Variants in LEPR observed in about 807,000 individuals in gnomAD.
LEPR encodes OB receptor.
In LEPR, 56 loss-of-function variants were observed where a neutral mutation model predicts 114.7. The observed-to-expected ratio is 0.49, with a 90% confidence interval of 0.39 to 0.61. LEPR has a LOEUF of 0.61. LEPR is among the 20% of genes least tolerant of loss of function. LEPR has a pLI of 0.00. For synonymous variants in LEPR, 443 were observed against 461.4 expected, an observed-to-expected ratio of 0.96 and a Z score of 0.51; for missense variants, 1,202 against 1,352.9, an observed-to-expected ratio of 0.89 and a Z score of 1.75.
chr1:65,601,147 G>A (rs1244537941), intron 8 of LEPR, among the ~76,000 whole-genome samples: 1 of 151,902 alleles, frequency 6.6e-6, no homozygotes, highest in Non-Finnish European at 1.5e-5. Flanking sequence ...TGATGAATAA[G>A]CCTCTGTGTT....
chr1:65,440,038 G>T lies in LEPR; in HGVS notation c.-21+14660G>T, dbSNP rs188031392. Among the ~76,000 whole-genome samples the T allele has an allele frequency of 3.2e-3, 447 of 138,148 alleles. 2 individuals carry two copies. Among genetic ancestry groups the T allele is most frequent in the African/African-American group, 0.011 (415 of 39,484 alleles). 90.6% of individuals were successfully genotyped at this position (138,148 alleles called of 152,430 possible). A position where few individuals can be genotyped will look rare whatever the true frequency, so the allele number is the denominator to read the frequency against. On this transcript the variant is annotated intron_variant, in intron 2 of 19. Transcript: ENST00000349533. ...AAAAAAAAAAAAGAAAAAGAAAATT[G>T]ACAGTAGTGAATGCTATGAAGAAAT...
intron 2 of LEPR, among the ~76,000 whole-genome samples, chr1:65,513,642 G>A (rs1381777409): frequency 3.3e-5 from 5 of 152,160 alleles, no homozygotes; most frequent in African/African-American, 1.2e-4. Flanking sequence ...CGTGAAAATT[G>A]GTTTGTAGTA....
chr1:65,420,813 C>T, intron 1 of LEPR, 73 bp downstream of exon 1: 1 of 1,520,802 alleles, frequency 6.6e-7, no homozygotes, highest in Non-Finnish European at 8.9e-7. Context: ...CCTGGGGCTG[C>T]GCCTTCCGCG....
At chr1:65,572,195 T>C in intron 4 of LEPR, 131 bp from the exon 5 acceptor site, 1 of 1,205,874 alleles carries the variant, frequency 8.3e-7, no homozygotes, top group East Asian at 2.6e-5. Context: ...TCTCTCAGAA[T>C]AGGCAATGGA....
intron 5 of LEPR, among the ~76,000 whole-genome samples, chr1:65,583,469 T>C (rs1319179606): frequency 6.6e-6 from 1 of 152,038 alleles, no homozygotes; most frequent in Non-Finnish European, 1.5e-5. Context: ...CCTTAATGGG[T>C]ATCAGTGACA....
chr1:65,437,989 G>A (rs1012235485), intron 2 of LEPR, among the ~76,000 whole-genome samples: 6 of 151,788 alleles, frequency 4.0e-5, no homozygotes, highest in Non-Finnish European at 8.8e-5. Flanking sequence ...TTTATTTTTT[G>A]TAGAGATGAA....
At chr1:65,565,424 G>A in intron 2 of LEPR, 122 bp from the exon 3 acceptor site, 2 of 878,838 alleles carry the variant, frequency 2.3e-6, no homozygotes, top group African/African-American at 1.7e-5. Flanking sequence ...TTGATCTAGA[G>A]TATCACATGT....
intron 13 of LEPR, 32 bp downstream of exon 13, chr1:65,610,138 A>C: frequency 5.0e-6 from 8 of 1,614,180 alleles, no homozygotes; most frequent in Non-Finnish European, 5.9e-6. Context: ...GTGTTTTGAA[A>C]GTGCATAAGT....
At chr1:65,550,532 G>C (rs1782757) in intron 2 of LEPR, among the ~76,000 whole-genome samples, 101,209 of 151,734 alleles carry the variant, frequency 0.67, 35,057 homozygotes, top group Middle Eastern at 0.78. Context: ...GGGTGCCCCT[G>C]CCCCAGCCTC....
In LEPR at chr1:65,638,230, T is replaced by C. The variant is rs1317609152; in HGVS notation, c.*1215T>C. ...CTGAGTGTGACAGAAAAAATAAAGA[T>C]TATAAAATGTATTAAGTAGAAGTAT... is the stretch of plus-strand genomic sequence containing the variant. On this transcript the variant is annotated 3_prime_UTR_variant, in exon 20 of 20. Coordinates refer to ENST00000349533, the MANE Select transcript of LEPR (RefSeq NM_002303.6). 2 of 152,118 alleles carry C rather than the reference T, an allele frequency of 1.3e-5. No individual in the cohort carries two copies. Among genetic ancestry groups the C allele is most frequent in the Non-Finnish European group, 2.9e-5 (2 of 68,020 alleles). 9.4% of individuals were successfully genotyped at this position (152,118 alleles called of 1,614,324 possible). A position where few individuals can be genotyped will look rare whatever the true frequency, so the allele number is the denominator to read the frequency against.
In LEPR at chr1:65,633,032, A is replaced by T; in HGVS notation, c.2674-3159A>T. The T allele has an allele frequency of 6.1e-6, 5 of 818,800 alleles. No individual in the cohort carries two copies. Among genetic ancestry groups the T allele is most frequent in the Non-Finnish European group, 9.7e-6 (5 of 517,780 alleles). The allele number at this position is 818,800 out of a possible 1,614,324, so 50.7% of individuals were successfully genotyped here. The stretch of plus-strand genomic sequence containing the variant: ...CCAAAAGGATGCATTATTGTAACCT[A>T]ACACAAAAATTTATAGTCCAGAACC... On this transcript the variant is annotated intron_variant, in intron 19 of 19. Coordinates refer to ENST00000349533, the MANE Select transcript of LEPR (RefSeq NM_002303.6). This position sits in a 1 kb window ranked among gnomAD's most constrained non-coding sequence, Gnocchi z 4.1.
intron 2 of LEPR, chr1:65,526,388 T>C (rs1649975115): frequency 3.0e-6 from 3 of 984,996 alleles, no homozygotes; most frequent in Non-Finnish European, 3.6e-6. Context: ...CTGAAAGAGA[T>C]TTGTAGTGGT....
chr1:65,617,006 A>G (rs150942602), intron 15 of LEPR, among the ~76,000 whole-genome samples: 1 of 152,106 alleles, frequency 6.6e-6, no homozygotes, highest in African/African-American at 2.4e-5. Context: ...TTACCTTTGT[A>G]TTTATAGTGT....
chr1:65,592,118 A>G (rs976663375), intron 5 of LEPR, among the ~76,000 whole-genome samples: 5 of 151,874 alleles, frequency 3.3e-5, no homozygotes, highest in African/African-American at 1.2e-4. Flanking sequence ...AATGCCATAC[A>G]TTTTACTTTT....
In LEPR at chr1:65,615,981, A is replaced by G. The variant is rs13306520; in HGVS notation, c.1996-27A>G. The G allele has an allele frequency of 0.03, 48,830 of 1,613,698 alleles. 2,605 individuals carry two copies. The highest frequency in any genetic ancestry group is 0.21 in the South Asian group (18,738 of 91,060). On this transcript the variant is annotated intron_variant, in intron 14 of 19. Coordinates refer to ENST00000349533, the MANE Select transcript of LEPR (RefSeq NM_002303.6). ...GTATAAAAAGCACTGCAGCCCTTAA[A>G]CTAATCAATTTCTATATTTACTACA...
intron 2 of LEPR, among the ~76,000 whole-genome samples, chr1:65,537,760 T>A (rs951286027): frequency 6.6e-6 from 1 of 152,190 alleles, no homozygotes; most frequent in Non-Finnish European, 1.5e-5. Flanking sequence ...ATTTTAGGTT[T>A]AGTATTTGTT....
chr1:65,471,840 G>T (rs1647087883), intron 2 of LEPR, among the ~76,000 whole-genome samples: 1 of 152,136 alleles, frequency 6.6e-6, no homozygotes, highest in Non-Finnish European at 1.5e-5. Context: ...ATTTCAAATG[G>T]TAAAAATTTT....
intron 7 of LEPR, among the ~76,000 whole-genome samples, chr1:65,597,991 C>T (rs544396272): frequency 6.6e-6 from 1 of 151,858 alleles, no homozygotes; most frequent in East Asian, 1.9e-4. Flanking sequence ...ACATGCTCCC[C>T]TTACCCCAAG....
intron 2 of LEPR, among the ~76,000 whole-genome samples, chr1:65,486,924 C>T (rs987393205): frequency 6.6e-6 from 1 of 152,100 alleles, no homozygotes; most frequent in African/African-American, 2.4e-5. Flanking sequence ...AATCACCGTC[C>T]CACCCTGACA....
Sources: gnomAD v4.1 joint callset for allele counts (sites outside exome capture counted in the v4.1 genomes callset) on GRCh38, gnomAD v4.1.1 for gene constraint, Gnocchi (gnomAD v3.1) non-coding constraint, MANE v1.5 for transcripts, NCBI Gene and HGNC (gene_info 2026-07-23, HGNC 2026-07-21) for gene names.